PLG: variants seen among roughly 807,000 people sequenced by gnomAD.
PLG encodes the protein plasminogen, also known as plasmin.
Under a neutral mutation model 104.4 loss-of-function variants are expected in PLG, and 41 were observed. The observed-to-expected ratio is 0.39, with a 90% CI of 0.31 to 0.51. PLG has a LOEUF of 0.51. Ranked by LOEUF, PLG falls within the 20% of genes least tolerant of loss-of-function variation. The probability of loss-of-function intolerance (pLI) is 0.76; values close to 1 mark genes in which losing one functional copy is unlikely to be tolerated. For missense variants in PLG, 891 were observed against 1,003.6 expected (o/e 0.89, Z 1.52); for synonymous variants, 337 against 357.1 (o/e 0.94, Z 0.63).
In PLG at chr6:160,706,456, G is replaced by C. The variant is rs140570408; in HGVS notation, c.99G>C (p.Leu33=). The C allele has an allele frequency of 2.0e-5, 33 of 1,613,666 alleles. No homozygotes were observed. The highest frequency in any genetic ancestry group is 5.3e-5 in the African/African-American group (4 of 74,930). Residue 33 remains leucine, a synonymous_variant, in exon 2 of 19, where the codon CTG becomes CTC. Transcript: ENST00000308192. ...ATGTGAATACCCAGGGGGCTTCACT[G>C]TTCAGTGTCACTAAGAAGCAGCTGG... ...DDYVNTQGAS[L]FSVTKKQLGA...
chr6:160,750,301 G>A (rs1365696834), intron 17 of PLG, among the ~76,000 whole-genome samples: 1 of 152,112 alleles, frequency 6.6e-6, no homozygotes, highest in African/African-American at 2.4e-5. Flanking sequence ...CATCGGGGAG[G>A]GCTTCAATCC....
At chr6:160,727,726 C>T (rs971676871) in intron 10 of PLG, among the ~76,000 whole-genome samples, 1 of 151,904 alleles carries the variant, frequency 6.6e-6, no homozygotes, top group African/African-American at 2.4e-5. Context: ...CAAAATTTAA[C>T]ACTTATCCAT....
At chr6:160,716,320 G>A (rs751057098) in intron 6 of PLG, among the ~76,000 whole-genome samples, 7 of 152,184 alleles carry the variant, frequency 4.6e-5, no homozygotes, top group Non-Finnish European at 7.3e-5. Flanking sequence ...CTTGGCAGCC[G>A]GGCATGGTGG....
rs73784945 is a variant in PLG, at chr6:160,730,936, T to C, written c.1257-115T>C. On this transcript the variant is annotated intron_variant, in intron 10 of 18. Transcript: ENST00000308192. ...TGTTACAACATTATTGTACCTATAA[T>C]GGGAATATTTCAAAGCCACTTGTTA... 0.015 allele frequency: 14,837 copies of C among 976,314 alleles called. 404 individuals carry two copies. Among genetic ancestry groups the C allele is most frequent in the Middle Eastern group, 0.15 (573 of 3,942 alleles). 60.5% of individuals were successfully genotyped at this position (976,314 alleles called of 1,614,324 possible).
chr6:160,730,088 T>C (rs1376622620), intron 10 of PLG, among the ~76,000 whole-genome samples: 1 of 152,154 alleles, frequency 6.6e-6, no homozygotes, highest in South Asian at 2.1e-4. Context: ...AGGTCATGAA[T>C]GTGAGGATTC....
At position 160,734,102 on chromosome 6, in the gene PLG, T is replaced by C. The variant is rs1038854950; in HGVS notation, c.1681+14T>C. On this transcript the variant is annotated intron_variant, in intron 13 of 18. Coordinates refer to ENST00000308192, the MANE Select transcript of PLG (RefSeq NM_000301.5). The surrounding 1 kb of genome is among the most constrained non-coding windows in gnomAD (Gnocchi z 4.4). ...TCCCTCAGTGTGGTAGGTTGCCTTCTTTTTGGTAAGGAAACTGCTTACTTA... is the reference window on the plus strand; with the variant it reads ...TCCCTCAGTGTGGTAGGTTGCCTTCCTTTTGGTAAGGAAACTGCTTACTTA... 2.0e-6 allele frequency: 3 copies of C among 1,482,758 alleles called. No individual in the cohort carries two copies. Among genetic ancestry groups the C allele is most frequent in the Admixed American group, 3.3e-5 (2 of 59,776 alleles). The allele number at this position is 1,482,758 out of a possible 1,614,324, so 91.9% of individuals were successfully genotyped here.
intron 10 of PLG, 62 bp from the exon 11 acceptor site, chr6:160,730,989 G>A (rs4252124): frequency 1.3e-6 from 2 of 1,508,892 alleles, no homozygotes; most frequent in South Asian, 1.1e-5. Flanking sequence ...AATGTAGAGG[G>A]TGCTGGGTGC....
In PLG at chr6:160,720,410, C is replaced by CTTTTTTTTTTTTT. The variant is rs3057066; in HGVS notation, c.1096+1587_1096+1599dup. ...TCTTTTCTCTTTTTTCTTTTCTTTT[C>CTTTTTTTTTTTTT]TTTTTTTTTTTTTTTTTTTTTTTTT... On this transcript the variant is annotated intron_variant, in intron 9 of 18. Coordinates refer to ENST00000308192, the MANE Select transcript of PLG (RefSeq NM_000301.5). Among the ~76,000 whole-genome samples the CTTTTTTTTTTTTT allele has an allele frequency of 2.6e-3, 151 of 58,528 alleles. 22 individuals are homozygous for CTTTTTTTTTTTTT. Among genetic ancestry groups the CTTTTTTTTTTTTT allele is most frequent in the African/African-American group, 5.0e-3 (65 of 12,932 alleles). The allele number at this position is 58,528 out of a possible 152,430, so 38.4% of individuals were successfully genotyped here. A position where few individuals can be genotyped will look rare whatever the true frequency, so the allele number is the denominator to read the frequency against.
At chr6:160,733,002 C>A (rs1199185710) in intron 12 of PLG, among the ~76,000 whole-genome samples, 1 of 152,146 alleles carries the variant, frequency 6.6e-6, no homozygotes, top group Admixed American at 6.5e-5. Context: ...ACAGTTCCAA[C>A]CCTGCAATCA....
chr6:160,707,375 T>C (rs1777548414), intron 2 of PLG, among the ~76,000 whole-genome samples: 1 of 152,004 alleles, frequency 6.6e-6, no homozygotes, highest in African/African-American at 2.4e-5. Context: ...GGCGAATGGG[T>C]TCAAAGCAAC....
intron 6 of PLG, 116 bp from the exon 7 acceptor site, chr6:160,716,529 C>T: frequency 2.7e-6 from 2 of 750,816 alleles, no homozygotes; most frequent in South Asian, 2.9e-5. Flanking sequence ...CTGATTACCT[C>T]CTCCATGCCC....
chr6:160,706,300 G>A, intron 1 of PLG, 107 bp from the exon 2 acceptor site: 4 of 1,469,672 alleles, frequency 2.7e-6, no homozygotes, highest in South Asian at 2.3e-5. Context: ...TAAACAGAAA[G>A]TTTTATTTGG....
At chr6:160,704,780 G>A (rs937187975) in intron 1 of PLG, among the ~76,000 whole-genome samples, 6 of 152,278 alleles carry the variant, frequency 3.9e-5, no homozygotes, top group African/African-American at 1.4e-4. Context: ...GGGGACTTTG[G>A]CCGAGGACTT....
Position 160,702,499 on chromosome 6 carries a change from T to C in PLG, c.49+146T>C. The C allele has an allele frequency of 8.7e-6, 10 of 1,152,632 alleles. No homozygotes were observed. The South Asian group carries it at 1.5e-4, about 17-fold the overall frequency. 71.4% of individuals were successfully genotyped at this position (1,152,632 alleles called of 1,614,324 possible). A position where few individuals can be genotyped will look rare whatever the true frequency, so the allele number is the denominator to read the frequency against. ...AAAATCTTGTATAAGATTGAGGAAT[T>C]CTTCAAGAAATAAGTTTAAGTTTCC... On this transcript the variant is annotated intron_variant, in intron 1 of 18. Transcript: ENST00000308192.
rs79773462 is a variant in PLG, at chr6:160,744,612, A to C, written c.2125+3195A>C. ...TATTACTGTTTTCAAAAAACCAACT[A>C]CTGGACTTGTTGATCTTTTGAATGA... On this transcript the variant is annotated intron_variant, in intron 17 of 18. Transcript: ENST00000308192. This position sits in a 1 kb window ranked among gnomAD's most constrained non-coding sequence, Gnocchi z 4.5. Among the ~76,000 whole-genome samples the C allele has an allele frequency of 0.03, 4,493 of 152,140 alleles. 255 individuals carry two copies. Among genetic ancestry groups the C allele is most frequent in the African/African-American group, 0.1 (4,302 of 41,500 alleles).
chr6:160,753,343 C>T lies in PLG; in HGVS notation c.*282C>T, dbSNP rs1391308873. The T allele has an allele frequency of 2.4e-6, 1 of 425,498 alleles. No homozygotes were observed. The highest frequency in any genetic ancestry group is 2.6e-5 in the African/African-American group (1 of 38,772). 26.4% of individuals were successfully genotyped at this position (425,498 alleles called of 1,614,324 possible). Reference sequence around the variant, plus strand: ...TTTTCATGCTCTTTGTTCACCCCACCAATTTTTAAATGGGCAGATGGGGGG... The same window carrying T: ...TTTTCATGCTCTTTGTTCACCCCACTAATTTTTAAATGGGCAGATGGGGGG... On this transcript the variant is annotated 3_prime_UTR_variant, in exon 19 of 19. Transcript: ENST00000308192. This position sits in a 1 kb window ranked among gnomAD's most constrained non-coding sequence, Gnocchi z 5.4.
At chr6:160,706,286 C>T in intron 1 of PLG, 121 bp from the exon 2 acceptor site, 2 of 1,295,684 alleles carry the variant, frequency 1.5e-6, no homozygotes, top group Non-Finnish European at 2.2e-6. Flanking sequence ...CATTCTACTT[C>T]CAGTAAACAG....
Position 160,741,618 on chromosome 6 carries a change from GTCTC to G in PLG, c.2125+215_2125+218del, listed in dbSNP as rs4252172. Among the ~76,000 whole-genome samples, 1,386 of 150,626 alleles carry G rather than the reference GTCTC, an allele frequency of 9.2e-3. 18 individuals carry two copies. The highest frequency in any genetic ancestry group is 0.032 in the African/African-American group (1,323 of 41,236). On this transcript the variant is annotated intron_variant, in intron 17 of 18. Coordinates refer to ENST00000308192, the MANE Select transcript of PLG (RefSeq NM_000301.5). This position sits in a 1 kb window ranked among gnomAD's most constrained non-coding sequence, Gnocchi z 4.7. Reference sequence around the variant, plus strand: ...AAAGGGAGGAAAACTGTGTCTTTGAGTCTCTCTCTCTCTCTCTGTTTTCAGAACA... The same window carrying G: ...AAAGGGAGGAAAACTGTGTCTTTGAGTCTCTCTCTCTCTGTTTTCAGAACA...
chr6:160,721,540 C>T (rs540886330), intron 9 of PLG, among the ~76,000 whole-genome samples: 2 of 152,298 alleles, frequency 1.3e-5, no homozygotes, highest in African/African-American at 2.4e-5. Flanking sequence ...AAAGAGTTTT[C>T]TCCGTGTTCC....
Sources: gnomAD v4.1 joint callset for allele counts (sites outside exome capture counted in the v4.1 genomes callset) on GRCh38, gnomAD v4.1.1 for gene constraint, Gnocchi (gnomAD v3.1) non-coding constraint, MANE v1.5 for transcripts, NCBI Gene and HGNC (gene_info 2026-07-23, HGNC 2026-07-21) for gene names.